SCD5: variants seen among roughly 807,000 people sequenced by gnomAD.
SCD5 encodes stearoyl-CoA desaturase 5.
In SCD5, 20 loss-of-function variants were observed where a neutral mutation model predicts 30.4. The observed-to-expected ratio is 0.66, with a 90% CI of 0.46 to 0.96. The LOEUF (loss-of-function observed/expected upper bound fraction) is 0.96, where lower values mean the gene tolerates loss of function less well. Ranked by LOEUF, SCD5 falls within the 40% of genes least tolerant of loss-of-function variation. SCD5 has a pLI of 0.00. For missense variants in SCD5, 381 were observed against 443.3 expected (o/e 0.86, Z 1.26); for synonymous variants, 173 against 176.4 (o/e 0.98, Z 0.16).
intron 1 of SCD5, among the ~76,000 whole-genome samples, chr4:82,718,794 G>T (rs1313383107): frequency 1.3e-5 from 2 of 151,654 alleles, no homozygotes; most frequent in African/African-American, 4.9e-5. Context: ...GCTTTAAGTT[G>T]CTGTGAATAA....
At chr4:82,680,996 C>CT in intron 2 of SCD5, 84 bp from the exon 3 acceptor site, 1 of 1,161,140 alleles carries the variant, frequency 8.6e-7, no homozygotes, top group East Asian at 2.4e-5. Context: ...CTCCCCTCCC[C>CT]CACCAGTCCT....
chr4:82,744,012 G>C (rs1720935560), intron 1 of SCD5, among the ~76,000 whole-genome samples: 1 of 152,028 alleles, frequency 6.6e-6, no homozygotes, highest in Non-Finnish European at 1.5e-5. Flanking sequence ...TTTTAGTAAA[G>C]ATGGGGTCTC....
intron 4 of SCD5, among the ~76,000 whole-genome samples, chr4:82,632,399 T>C (rs561945259): frequency 6.6e-6 from 1 of 152,260 alleles, no homozygotes; most frequent in South Asian, 2.1e-4. Flanking sequence ...TATTCCATGG[T>C]GTATATGTGC....
chr4:82,760,714 T>C (rs1721345213), intron 1 of SCD5, among the ~76,000 whole-genome samples: 1 of 152,128 alleles, frequency 6.6e-6, no homozygotes. Flanking sequence ...ACCTCCCCCA[T>C]CCCTGGAAAC....
At chr4:82,693,552 A>AAAATAAAT (rs138796881) in intron 2 of SCD5, among the ~76,000 whole-genome samples, 61 of 151,804 alleles carry the variant, frequency 4.0e-4, no homozygotes, top group East Asian at 2.4e-3. Context: ...ACTCTACAGC[A>AAAATAAAT]AAATAAATAA....
intron 1 of SCD5, among the ~76,000 whole-genome samples, chr4:82,712,553 T>C (rs1720134118): frequency 6.6e-6 from 1 of 151,452 alleles, no homozygotes; most frequent in Admixed American, 6.6e-5. Context: ...TCTGACCTTG[T>C]GAGCTGCCCG....
chr4:82,711,627 G>A (rs1393961226), intron 1 of SCD5, among the ~76,000 whole-genome samples: 1 of 152,018 alleles, frequency 6.6e-6, no homozygotes, highest in Non-Finnish European at 1.5e-5. Context: ...GATCACTTAA[G>A]CCCAGGAGGT....
chr4:82,646,301 A>G (rs1388505496), intron 3 of SCD5, among the ~76,000 whole-genome samples: 1 of 152,166 alleles, frequency 6.6e-6, no homozygotes, highest in Non-Finnish European at 1.5e-5. Context: ...TAGAGGACAA[A>G]TGATATGCCC....
intron 1 of SCD5, among the ~76,000 whole-genome samples, chr4:82,781,870 A>C (rs193105782): frequency 3.0e-4 from 45 of 152,268 alleles, no homozygotes; most frequent in African/African-American, 7.9e-4. Context: ...ATAGCAGCAC[A>C]AAACAGACTA....
intron 4 of SCD5, among the ~76,000 whole-genome samples, chr4:82,633,169 A>G (rs1727356620): frequency 6.8e-6 from 1 of 146,350 alleles, no homozygotes; most frequent in South Asian, 2.1e-4. Context: ...AGCCTCTGGT[A>G]ACCACCATTC....
intron 1 of SCD5, chr4:82,753,561 G>A: frequency 2.5e-6 from 1 of 405,328 alleles, no homozygotes; most frequent in South Asian, 1.8e-5. Context: ...TTTCAGGTTA[G>A]AATGTTCATA....
chr4:82,649,180 GGTGTGT>G (rs55991339), intron 3 of SCD5, among the ~76,000 whole-genome samples: 78,645 of 143,884 alleles, frequency 0.55, 21,383 homozygotes, highest in Middle Eastern at 0.63. Context: ...GGGTGAGAGG[GGTGTGT>G]GTGTGTGTGT....
At chr4:82,702,578 C>G (rs891687270) in intron 2 of SCD5, among the ~76,000 whole-genome samples, 7 of 152,160 alleles carry the variant, frequency 4.6e-5, no homozygotes, top group Non-Finnish European at 8.8e-5. Context: ...GAATACTGTT[C>G]TTAATGCTCA....
At chr4:82,708,787 A>G in intron 1 of SCD5, among the ~76,000 whole-genome samples, 1 of 152,232 alleles carries the variant, frequency 6.6e-6, no homozygotes, top group East Asian at 1.9e-4. Context: ...GGACCTGATC[A>G]GAGAAAGAGA....
At chr4:82,703,608 T>C (rs1198030916) in intron 2 of SCD5, among the ~76,000 whole-genome samples, 1 of 152,168 alleles carries the variant, frequency 6.6e-6, no homozygotes, top group African/African-American at 2.4e-5. Flanking sequence ...AAAATCACAG[T>C]CTAATATTCT....
intron 3 of SCD5, among the ~76,000 whole-genome samples, chr4:82,665,030 A>ACC (rs1294684565): frequency 6.9e-5 from 1 of 14,432 alleles, no homozygotes; most frequent in African/African-American, 8.2e-4. Flanking sequence ...TGTATAATAC[A>ACC]CACACACACA....
Position 82,798,465 on chromosome 4 carries a change from C to A in SCD5, c.73G>T (p.Glu25Ter), listed in dbSNP as rs1168760780. The stretch of plus-strand genomic sequence containing the variant: ...GGGCCGCCGCCGCCCTCAGAGCTTT[C>A]GAGCCCGGCACGGATTTCTTCCTTG... ...DAKEEIRAGL[E>*]SSEGGGGPER... is the part of the protein sequence containing the mutation. The change falls in exon 1 of 5, where the codon GAA (glutamate) becomes TAA (stop). Residue 25 changes from glutamate to a stop codon, truncating the protein, a stop_gained. Transcript: ENST00000319540. LOFTEE classifies it high-confidence loss of function. 6.2e-7 allele frequency: 1 copy of A among 1,612,794 alleles called. No individual in the cohort carries two copies. Among genetic ancestry groups the A allele is most frequent in the Non-Finnish European group, 8.5e-7 (1 of 1,179,500 alleles).
intron 3 of SCD5, among the ~76,000 whole-genome samples, chr4:82,647,857 T>C (rs1316234808): frequency 1.3e-5 from 2 of 152,222 alleles, no homozygotes; most frequent in Non-Finnish European, 2.9e-5. Flanking sequence ...TTGGGAATGA[T>C]AGTAAGAGGA....
At chr4:82,636,468 G>T in intron 4 of SCD5, 123 bp downstream of exon 4, 2 of 549,626 alleles carry the variant, frequency 3.6e-6, no homozygotes, top group Non-Finnish European at 6.0e-6. Context: ...AAAAAAAAAA[G>T]CTCAAGTTCA....
Sources: allele counts gnomAD v4.1 joint callset (sites outside exome capture counted in the v4.1 genomes callset), GRCh38; gene constraint gnomAD v4.1.1; transcripts MANE v1.5; gene names NCBI Gene and HGNC (gene_info 2026-07-23, HGNC 2026-07-21).